CNTNAP2: variants seen among roughly 807,000 people sequenced by gnomAD.
CNTNAP2 encodes contactin-associated protein-like 2.
In CNTNAP2, 98 loss-of-function variants were observed where a neutral mutation model predicts 155.2. The observed-to-expected ratio is 0.63, with a 90% CI of 0.54 to 0.75. The LOEUF is 0.75. Ranked by LOEUF, CNTNAP2 falls within the 30% of genes least tolerant of loss-of-function variation. CNTNAP2 has a pLI of 0.00. For synonymous variants in CNTNAP2, 651 were observed against 631.2 expected (o/e 1.03, Z -0.47); for missense variants, 1,727 against 1,688.1 (o/e 1.02, Z -0.40).
chr7:147,266,593 G>A (rs1432271605), intron 8 of CNTNAP2, among the ~76,000 whole-genome samples: 3 of 152,162 alleles, frequency 2.0e-5, no homozygotes, highest in South Asian at 2.1e-4. Flanking sequence ...GCAGCATTCT[G>A]TTCACTGAGA....
intron 1 of CNTNAP2, among the ~76,000 whole-genome samples, chr7:146,454,246 C>A (rs1361491834): frequency 6.6e-6 from 1 of 152,050 alleles, no homozygotes; most frequent in East Asian, 1.9e-4. Context: ...ATTTTTTAAA[C>A]CTTAGATCTG....
At chr7:148,049,917 C>A (rs1802853850) in intron 15 of CNTNAP2, among the ~76,000 whole-genome samples, 3 of 152,248 alleles carry the variant, frequency 2.0e-5, no homozygotes, top group South Asian at 4.1e-4. Flanking sequence ...AATCCCAGCA[C>A]TTTGGGAGGC....
chr7:147,413,910 T>A (rs952325839), intron 10 of CNTNAP2, among the ~76,000 whole-genome samples: 1 of 152,192 alleles, frequency 6.6e-6, no homozygotes, highest in Non-Finnish European at 1.5e-5. Context: ...TTCTTTTCCC[T>A]TACCATTTCC....
intron 1 of CNTNAP2, among the ~76,000 whole-genome samples, chr7:146,617,929 T>TTTTAA (rs1346659798): frequency 6.6e-6 from 1 of 152,302 alleles, no homozygotes; most frequent in East Asian, 1.9e-4. Context: ...TTCATATGTA[T>TTTTAA]ATGCCTGATT....
chr7:147,247,655 C>T lies in CNTNAP2; in HGVS notation c.1349-52486C>T, dbSNP rs1321143831. The stretch of plus-strand genomic sequence containing the variant: ...TACCACAGTGGACAGAGATACATTG[C>T]TGTTAAAAAAATCTGAGTCCTTTAA... On this transcript the variant is annotated intron_variant, in intron 8 of 23. Coordinates refer to ENST00000361727, the MANE Select transcript of CNTNAP2 (RefSeq NM_014141.6). Among the ~76,000 whole-genome samples the T allele has an allele frequency of 3.9e-5, 6 of 152,200 alleles. 1 individual carries two copies. The highest frequency in any genetic ancestry group is 3.9e-4 in the Admixed American group (6 of 15,278).
At chr7:146,550,765 T>C (rs1161214793) in intron 1 of CNTNAP2, among the ~76,000 whole-genome samples, 1 of 152,030 alleles carries the variant, frequency 6.6e-6, no homozygotes, top group Non-Finnish European at 1.5e-5. Context: ...AGCCTGTATA[T>C]AGAAGGTATT....
chr7:147,389,867 A>G (rs914840926), intron 9 of CNTNAP2, among the ~76,000 whole-genome samples: 3 of 152,210 alleles, frequency 2.0e-5, no homozygotes, highest in Non-Finnish European at 2.9e-5. Context: ...AAAAATTTTA[A>G]CTTTATATTT....
At chr7:148,116,894 T>A (rs1365998626) in intron 15 of CNTNAP2, among the ~76,000 whole-genome samples, 1 of 152,248 alleles carries the variant, frequency 6.6e-6, no homozygotes, top group African/African-American at 2.4e-5. Flanking sequence ...CCGTGTTTTT[T>A]AAAAAGCATA....
chr7:147,249,604 T>TAAAAAAAAAAAAAAAAA lies in CNTNAP2; in HGVS notation c.1349-50532_1349-50516dup, dbSNP rs755601249. Among the ~76,000 whole-genome samples, 28 of 70,006 alleles carry TAAAAAAAAAAAAAAAAA rather than the reference T, an allele frequency of 4.0e-4. 1 individual carries two copies. Among genetic ancestry groups the TAAAAAAAAAAAAAAAAA allele is most frequent in the African/African-American group, 1.6e-3 (26 of 16,758 alleles). 45.9% of individuals were successfully genotyped at this position (70,006 alleles called of 152,430 possible). On this transcript the variant is annotated intron_variant, in intron 8 of 23. Transcript: ENST00000361727. ...CTATAATAAAGGAAGACATTGGAGGTAAAAAAAAAAAAAAAAAAAAAGGTT... is the reference window on the plus strand; with the variant it reads ...CTATAATAAAGGAAGACATTGGAGGTAAAAAAAAAAAAAAAAAAAAAAAAAAAAAAAAAAAAAAGGTT...
At chr7:146,902,467 A>G (rs903564885) in intron 3 of CNTNAP2, among the ~76,000 whole-genome samples, 16 of 152,216 alleles carry the variant, frequency 1.1e-4, no homozygotes, top group African/African-American at 3.9e-4. Context: ...TTTTGCTATA[A>G]TAAGAAAAGA....
In CNTNAP2 at chr7:146,589,125, C is replaced by A. The variant is rs115838031; in HGVS notation, c.98-185146C>A. 4.8e-3 allele frequency among the ~76,000 whole-genome samples: 732 copies of A among 152,138 alleles called. 5 individuals carry two copies. The highest frequency in any genetic ancestry group is 0.016 in the African/African-American group (676 of 41,510). ...GTTCCCCCATTCCATTTCTAGAAAG[C>A]TTTTGGAATGTTTTATAAAACAGTA... On this transcript the variant is annotated intron_variant, in intron 1 of 23. Transcript: ENST00000361727.
At chr7:147,034,724 T>C (rs1230242662) in intron 3 of CNTNAP2, among the ~76,000 whole-genome samples, 1 of 152,016 alleles carries the variant, frequency 6.6e-6, no homozygotes, top group African/African-American at 2.4e-5. Flanking sequence ...AGTGGGAAGC[T>C]GGTCCTCCCC....
In CNTNAP2 at chr7:147,214,275, G is replaced by T. The variant is rs80071847; in HGVS notation, c.1348+81766G>T. ...TAGGAATGTTAGCAAAACACCATAC[G>T]GTGAGACAGCAAAGCACAGTGGCTT... is the stretch of plus-strand genomic sequence containing the variant. On this transcript the variant is annotated intron_variant, in intron 8 of 23. Coordinates refer to ENST00000361727, the MANE Select transcript of CNTNAP2 (RefSeq NM_014141.6). 5.3e-4 allele frequency among the ~76,000 whole-genome samples: 81 copies of T among 152,156 alleles called. No individual in the cohort carries two copies. The East Asian group carries it at 0.014, about 27-fold the overall frequency.
chr7:147,395,872 TAA>T, intron 10 of CNTNAP2, 92 bp downstream of exon 10: 1 of 1,458,660 alleles, frequency 6.9e-7, no homozygotes, highest in Non-Finnish European at 9.6e-7. Context: ...AAAAGAAAAT[TAA>T]AGTTAAAAAC....
chr7:147,203,977 G>A (rs6965650), intron 8 of CNTNAP2, among the ~76,000 whole-genome samples: 71,705 of 151,842 alleles, frequency 0.47, 17,616 homozygotes, highest in Middle Eastern at 0.63. Context: ...TCTGAAGGAC[G>A]TAAGATAGCT....
intron 1 of CNTNAP2, among the ~76,000 whole-genome samples, chr7:146,161,915 G>A (rs1470942882): frequency 2.0e-5 from 3 of 152,140 alleles, no homozygotes; most frequent in African/African-American, 7.2e-5. Flanking sequence ...ATGGGGAAAG[G>A]ATTCCCTATT....
At chr7:146,957,992 T>C (rs1400231602) in intron 3 of CNTNAP2, among the ~76,000 whole-genome samples, 1 of 152,204 alleles carries the variant, frequency 6.6e-6, no homozygotes, top group Non-Finnish European at 1.5e-5. Flanking sequence ...TAGTGAGGCA[T>C]GACCATTAGA....
chr7:146,613,297 C>T (rs944344571), intron 1 of CNTNAP2, among the ~76,000 whole-genome samples: 1 of 152,176 alleles, frequency 6.6e-6, no homozygotes. Flanking sequence ...GATAGACAAT[C>T]TATAAGAATG....
At chr7:147,429,546 C>T (rs1164818022) in intron 10 of CNTNAP2, among the ~76,000 whole-genome samples, 3 of 151,978 alleles carry the variant, frequency 2.0e-5, no homozygotes, top group Non-Finnish European at 4.4e-5. Context: ...ATTTCTTTTG[C>T]TGTGCAAAAG....
Sources: allele counts gnomAD v4.1 joint callset (sites outside exome capture counted in the v4.1 genomes callset), GRCh38; gene constraint gnomAD v4.1.1; transcripts MANE v1.5; gene names NCBI Gene and HGNC (gene_info 2026-07-23, HGNC 2026-07-21).